Variants in ZNF704 observed in about 807,000 individuals in gnomAD.
ZNF704 encodes zinc finger protein 704.
ZNF704 carries 10 observed loss-of-function variants against 44.7 expected under a neutral mutation model. That is an observed-to-expected ratio of 0.22 (90% CI 0.14 to 0.38). The LOEUF is 0.38. Ranked by LOEUF, ZNF704 falls within the 10% of genes least tolerant of loss-of-function variation. The pLI is 1.00. For synonymous variants in ZNF704, 211 were observed against 207.6 expected, an observed-to-expected ratio of 1.02 and a Z score of -0.14; for missense variants, 390 against 545.5, an observed-to-expected ratio of 0.71 and a Z score of 2.84.
intron 4 of ZNF704, among the ~76,000 whole-genome samples, chr8:80,672,888 T>G (rs977048486): frequency 6.6e-6 from 1 of 151,884 alleles, no homozygotes; most frequent in Admixed American, 6.6e-5. Context: ...GTAACGAACC[T>G]GCATAGGTAC....
intron 1 of ZNF704, among the ~76,000 whole-genome samples, chr8:80,840,399 T>C (rs1278722687): frequency 1.3e-5 from 2 of 152,170 alleles, no homozygotes; most frequent in African/African-American, 2.4e-5. Flanking sequence ...AAGACAATTC[T>C]TTTTCCAATG....
intron 2 of ZNF704, among the ~76,000 whole-genome samples, chr8:80,695,756 C>G (rs545051731): frequency 1.3e-5 from 2 of 152,220 alleles, no homozygotes; most frequent in Non-Finnish European, 1.5e-5. Flanking sequence ...GAAAATCTAC[C>G]ACATTTCAAA....
intron 1 of ZNF704, among the ~76,000 whole-genome samples, chr8:80,843,791 A>C (rs1169914673): frequency 6.6e-6 from 1 of 152,154 alleles, no homozygotes; most frequent in Non-Finnish European, 1.5e-5. Context: ...CACATACACC[A>C]GTCTCCTTTT....
intron 1 of ZNF704, among the ~76,000 whole-genome samples, chr8:80,838,898 G>A (rs1196609402): frequency 6.6e-6 from 1 of 151,900 alleles, no homozygotes; most frequent in East Asian, 1.9e-4. Flanking sequence ...AGGAGGAGGA[G>A]GAGAGCGGAC....
chr8:80,650,123 T>C (rs1817892983), intron 7 of ZNF704, among the ~76,000 whole-genome samples: 1 of 152,034 alleles, frequency 6.6e-6, no homozygotes, highest in Non-Finnish European at 1.5e-5. Context: ...GAAGGAAAAC[T>C]AACAAACAGA....
At chr8:80,827,909 AC>A (rs1364387057) in intron 1 of ZNF704, among the ~76,000 whole-genome samples, 2 of 152,224 alleles carry the variant, frequency 1.3e-5, no homozygotes, top group Admixed American at 6.5e-5. Flanking sequence ...TACACCTTAT[AC>A]AAAAATTATT....
intron 1 of ZNF704, among the ~76,000 whole-genome samples, chr8:80,857,479 G>A (rs1045542318): frequency 2.0e-5 from 3 of 152,058 alleles, no homozygotes; most frequent in African/African-American, 7.2e-5. Flanking sequence ...ATAATCATAT[G>A]GTGTTACCCT....
At chr8:80,687,514 C>T in intron 3 of ZNF704, 56 bp from the exon 4 acceptor site, 1 of 1,346,560 alleles carries the variant, frequency 7.4e-7, no homozygotes, top group African/African-American at 1.5e-5. Flanking sequence ...GGGCATGGTT[C>T]AGTGGGGAAA....
At chr8:80,693,168 G>A (rs1818668617) in intron 2 of ZNF704, 61 bp from the exon 3 acceptor site, 1 of 1,385,780 alleles carries the variant, frequency 7.2e-7, no homozygotes. Context: ...GGCCACACAA[G>A]GTGTGACACG....
At chr8:80,797,570 A>T (rs1807826841) in intron 2 of ZNF704, among the ~76,000 whole-genome samples, 1 of 152,130 alleles carries the variant, frequency 6.6e-6, no homozygotes. Flanking sequence ...TGCCACTTGA[A>T]TCACAGCTGG....
At chr8:80,826,960 C>T (rs565557094) in intron 1 of ZNF704, among the ~76,000 whole-genome samples, 48 of 152,246 alleles carry the variant, frequency 3.2e-4, no homozygotes, top group Admixed American at 9.8e-4. Flanking sequence ...AAACCCACAG[C>T]GAATATCATA....
chr8:80,712,456 T>C (rs998491128), intron 2 of ZNF704, among the ~76,000 whole-genome samples: 3 of 152,168 alleles, frequency 2.0e-5, no homozygotes, highest in African/African-American at 4.8e-5. Context: ...GAAACTTTCA[T>C]AGAGAACCAG....
At chr8:80,746,657 T>C (rs964190758) in intron 2 of ZNF704, among the ~76,000 whole-genome samples, 6 of 152,090 alleles carry the variant, frequency 3.9e-5, no homozygotes, top group African/African-American at 1.4e-4. Context: ...TTCAAGTACT[T>C]TTACAAGTCC....
At chr8:80,879,990 G>GA in the ZNF704 span, among the ~76,000 whole-genome samples, 1 of 152,098 alleles carries the variant, frequency 6.6e-6, no homozygotes, top group Non-Finnish European at 1.5e-5. Context: ...CCTGAGCTTG[G>GA]GAAAATTAGA....
intron 2 of ZNF704, chr8:80,814,251 C>T (rs961740439): frequency 6.6e-6 from 1 of 152,138 alleles, no homozygotes; most frequent in Non-Finnish European, 1.5e-5. Flanking sequence ...TTAAAAAGAA[C>T]AATTTTGTCT....
intron 2 of ZNF704, among the ~76,000 whole-genome samples, chr8:80,821,146 A>G (rs1454449247): frequency 6.6e-6 from 1 of 152,228 alleles, no homozygotes; most frequent in Non-Finnish European, 1.5e-5. Flanking sequence ...AAATTGAATA[A>G]AACATTTCTT....
intron 2 of ZNF704, among the ~76,000 whole-genome samples, chr8:80,780,728 C>G (rs1807508687): frequency 6.6e-6 from 1 of 152,076 alleles, no homozygotes; most frequent in Admixed American, 6.6e-5. Flanking sequence ...ACTAACAAGT[C>G]AAGAGCGCTG....
At chr8:80,733,100 C>A (rs1186765460) in intron 2 of ZNF704, among the ~76,000 whole-genome samples, 3 of 151,958 alleles carry the variant, frequency 2.0e-5, no homozygotes, top group Non-Finnish European at 4.4e-5. Flanking sequence ...GCAATAAAAG[C>A]AAATCCACCC....
chr8:80,679,565 C>T (rs1036223387), intron 4 of ZNF704, among the ~76,000 whole-genome samples: 1 of 152,174 alleles, frequency 6.6e-6, no homozygotes, highest in Non-Finnish European at 1.5e-5. Context: ...CTGGAATGTC[C>T]ACCATCTCAT....
Sources: allele counts gnomAD v4.1 joint callset (sites outside exome capture counted in the v4.1 genomes callset), GRCh38; gene constraint gnomAD v4.1.1; transcripts MANE v1.5; gene names NCBI Gene and HGNC (gene_info 2026-07-23, HGNC 2026-07-21).